AUTS2: variants seen among roughly 807,000 people sequenced by gnomAD.
AUTS2 encodes activator of transcription and developmental regulator AUTS2.
Under a neutral mutation model 112.4 loss-of-function variants are expected in AUTS2, and 17 were observed. The observed-to-expected ratio is 0.15, with a 90% CI of 0.10 to 0.23. The LOEUF (loss-of-function observed/expected upper bound fraction) is 0.23, where lower values mean the gene tolerates loss of function less well. Ranked by LOEUF, AUTS2 falls within the 10% of genes least tolerant of loss-of-function variation. AUTS2 has a pLI of 1.00. For synonymous variants in AUTS2, 751 were observed against 702.7 expected (o/e 1.07, Z -1.09); for missense variants, 1,510 against 1,701.6 (o/e 0.89, Z 1.98).
chr7:69,912,881 T>C (rs972169945), intron 2 of AUTS2, among the ~76,000 whole-genome samples: 1 of 152,248 alleles, frequency 6.6e-6, no homozygotes, highest in Non-Finnish European at 1.5e-5. Context: ...GGTAAACTTT[T>C]AGATTTATCA....
intron 2 of AUTS2, among the ~76,000 whole-genome samples, chr7:69,951,327 G>A (rs1040357238): frequency 6.6e-6 from 1 of 151,874 alleles, no homozygotes; most frequent in African/African-American, 2.4e-5. Flanking sequence ...AGCATTGTAA[G>A]TTTTTAGTCT....
At chr7:70,379,840 G>A (rs1276636129) in intron 4 of AUTS2, among the ~76,000 whole-genome samples, 1 of 152,160 alleles carries the variant, frequency 6.6e-6, no homozygotes, top group Non-Finnish European at 1.5e-5. Context: ...ATGTGGTATT[G>A]TTTTCTTCAG....
intron 6 of AUTS2, among the ~76,000 whole-genome samples, chr7:70,719,878 C>A (rs1034322874): frequency 2.6e-5 from 4 of 152,190 alleles, no homozygotes; most frequent in African/African-American, 7.2e-5. Flanking sequence ...TCACAGGTTT[C>A]TCATTCCCGA....
At chr7:70,481,922 A>G (rs1028183991) in intron 5 of AUTS2, among the ~76,000 whole-genome samples, 1 of 152,118 alleles carries the variant, frequency 6.6e-6, no homozygotes, top group African/African-American at 2.4e-5. Flanking sequence ...CACTCTAATT[A>G]TATGTATGAG....
At chr7:69,600,705 A>G (rs1442047282) in intron 1 of AUTS2, among the ~76,000 whole-genome samples, 1 of 151,972 alleles carries the variant, frequency 6.6e-6, no homozygotes, top group Non-Finnish European at 1.5e-5. Flanking sequence ...ATACACATAC[A>G]TAGGCACATG....
chr7:69,940,474 C>CAG (rs1796584687), intron 2 of AUTS2, among the ~76,000 whole-genome samples: 1 of 152,074 alleles, frequency 6.6e-6, no homozygotes, highest in African/African-American at 2.4e-5. Context: ...GGAGGAACAA[C>CAG]AGAGAGAAGC....
chr7:70,608,975 CAT>C (rs1370233760), intron 5 of AUTS2, among the ~76,000 whole-genome samples: 2 of 152,068 alleles, frequency 1.3e-5, no homozygotes, highest in African/African-American at 4.8e-5. Flanking sequence ...ATAAAAATGG[CAT>C]ATGTTTATTG....
At chr7:70,590,537 T>TA (rs1425671023) in intron 5 of AUTS2, among the ~76,000 whole-genome samples, 2 of 152,192 alleles carry the variant, frequency 1.3e-5, no homozygotes, top group African/African-American at 4.8e-5. Context: ...GTAGCATTGT[T>TA]AGACTAGTAG....
At chr7:69,914,356 G>GACACACACACACACACACACACAC (rs66527808) in intron 2 of AUTS2, among the ~76,000 whole-genome samples, 16 of 136,072 alleles carry the variant, frequency 1.2e-4, no homozygotes, top group East Asian at 6.7e-4. Context: ...CACACACACA[G>GACACACACACACACACACACACAC]ACACACACAC....
chr7:69,959,368 T>C (rs943228175), intron 2 of AUTS2, among the ~76,000 whole-genome samples: 1 of 152,182 alleles, frequency 6.6e-6, no homozygotes, highest in Admixed American at 6.6e-5. Flanking sequence ...GGAAGTTTTA[T>C]TTTTCTCATT....
At chr7:70,079,774 T>C (rs913752453) in intron 2 of AUTS2, among the ~76,000 whole-genome samples, 1 of 152,156 alleles carries the variant, frequency 6.6e-6, no homozygotes, top group Non-Finnish European at 1.5e-5. Flanking sequence ...GATGTCTTAT[T>C]CTGTTTTGTT....
At chr7:70,310,924 A>C (rs1455477695) in intron 4 of AUTS2, among the ~76,000 whole-genome samples, 1 of 152,184 alleles carries the variant, frequency 6.6e-6, no homozygotes, top group Non-Finnish European at 1.5e-5. Context: ...GATTTTTTTA[A>C]AAAATGGCAA....
At position 70,376,638 on chromosome 7, in the gene AUTS2, T is replaced by TAATGGTGTGA. The variant is rs199923832; in HGVS notation, c.661-59105_661-59096dup. 7.8e-3 allele frequency among the ~76,000 whole-genome samples: 1,179 copies of TAATGGTGTGA among 151,516 alleles called. 10 individuals carry two copies. Among genetic ancestry groups the TAATGGTGTGA allele is most frequent in the Non-Finnish European group, 0.014 (918 of 67,916 alleles). ...TGGAGCCCTGCTCTCCTGTGTGATGTAATGGTGTGAAATGGTGTTTCCAGT... is the reference window on the plus strand; with the variant it reads ...TGGAGCCCTGCTCTCCTGTGTGATGTAATGGTGTGAAATGGTGTGAAATGGTGTTTCCAGT... On this transcript the variant is annotated intron_variant, in intron 4 of 18. Transcript: ENST00000342771.
intron 1 of AUTS2, among the ~76,000 whole-genome samples, chr7:69,675,947 T>C (rs191809518): frequency 6.6e-6 from 1 of 152,258 alleles, no homozygotes; most frequent in East Asian, 1.9e-4. Flanking sequence ...AATTTTTACA[T>C]TATATATTGG....
chr7:70,236,402 A>C (rs1404443951), intron 4 of AUTS2, among the ~76,000 whole-genome samples: 1 of 152,226 alleles, frequency 6.6e-6, no homozygotes, highest in African/African-American at 2.4e-5. Context: ...CTACTGTGCC[A>C]GGTGGAAATG....
chr7:69,870,773 A>T (rs1011772065), intron 1 of AUTS2, among the ~76,000 whole-genome samples: 1 of 152,064 alleles, frequency 6.6e-6, no homozygotes, highest in Non-Finnish European at 1.5e-5. Flanking sequence ...GTGGTAAAAT[A>T]TAAAATATTT....
chr7:69,743,309 A>T (rs117427319), intron 1 of AUTS2, among the ~76,000 whole-genome samples: 1,591 of 152,288 alleles, frequency 0.01, 12 homozygotes, highest in Non-Finnish European at 0.018. Flanking sequence ...TTAGTACTTT[A>T]GCGTTCATCA....
chr7:69,894,277 T>TC (rs1794652705), intron 1 of AUTS2, among the ~76,000 whole-genome samples: 1 of 120,576 alleles, frequency 8.3e-6, no homozygotes, highest in Non-Finnish European at 1.9e-5. Context: ...TTTTTTTTTT[T>TC]TAACAGATTT....
chr7:69,987,612 TGC>T (rs1463696523), intron 2 of AUTS2, among the ~76,000 whole-genome samples: 10 of 152,078 alleles, frequency 6.6e-5, no homozygotes, highest in Non-Finnish European at 1.3e-4. Flanking sequence ...ACTACAGGTG[TGC>T]GCCACTATGC....
Sources: allele counts gnomAD v4.1 joint callset (sites outside exome capture counted in the v4.1 genomes callset), GRCh38; gene constraint gnomAD v4.1.1; transcripts MANE v1.5; gene names NCBI Gene and HGNC (gene_info 2026-07-23, HGNC 2026-07-21).